Variants in GRID1 observed in about 807,000 individuals in gnomAD.
GRID1 encodes the protein glutamate receptor ionotropic, delta-1.
GRID1 carries 28 observed loss-of-function variants against 98.0 expected under a neutral mutation model. That is an observed-to-expected ratio of 0.29 (90% CI 0.21 to 0.39). The LOEUF is 0.39. Among genes scored for constraint, GRID1 ranks in the 10% least tolerant of loss-of-function variants. The pLI is 1.00. For synonymous variants in GRID1, 553 were observed against 538.5 expected (o/e 1.03, Z -0.37); for missense variants, 1,111 against 1,340.5 (o/e 0.83, Z 2.67).
intron 3 of GRID1, among the ~76,000 whole-genome samples, chr10:86,175,023 AAC>A (rs796625124): frequency 6.6e-6 from 1 of 152,282 alleles, no homozygotes; most frequent in African/African-American, 2.4e-5. Flanking sequence ...GAGAAATAGG[AAC>A]ACTTTTACAC....
At chr10:86,127,525 C>T (rs1722542714) in intron 4 of GRID1, among the ~76,000 whole-genome samples, 1 of 152,162 alleles carries the variant, frequency 6.6e-6, no homozygotes, top group Admixed American at 6.5e-5. Flanking sequence ...AAGTGCCTAG[C>T]CAGCATCTGG....
intron 3 of GRID1, among the ~76,000 whole-genome samples, chr10:86,180,764 G>T (rs566305476): frequency 6.6e-6 from 1 of 152,192 alleles, no homozygotes; most frequent in Admixed American, 6.5e-5. Context: ...ACCACCTGCG[G>T]CCAGGCCCGG....
intron 4 of GRID1, among the ~76,000 whole-genome samples, chr10:85,936,408 C>T (rs946932781): frequency 5.3e-5 from 8 of 152,070 alleles, no homozygotes; most frequent in African/African-American, 1.7e-4. Flanking sequence ...CCACATGAAT[C>T]GCATTTGCAT....
intron 4 of GRID1, among the ~76,000 whole-genome samples, chr10:86,024,441 T>C (rs1305556377): frequency 6.6e-6 from 1 of 152,160 alleles, no homozygotes; most frequent in Non-Finnish European, 1.5e-5. Flanking sequence ...ATCTATTTTT[T>C]CCCTAGGCAG....
chr10:85,662,701 T>C (rs1470267880), intron 12 of GRID1, among the ~76,000 whole-genome samples: 1 of 152,164 alleles, frequency 6.6e-6, no homozygotes, highest in African/African-American at 2.4e-5. Flanking sequence ...ATGGGTAATG[T>C]GGCCTACCAG....
At chr10:86,204,882 C>A (rs1330493604) in intron 3 of GRID1, among the ~76,000 whole-genome samples, 1 of 151,944 alleles carries the variant, frequency 6.6e-6, no homozygotes, top group Non-Finnish European at 1.5e-5. Context: ...GTTGAGCCAC[C>A]AGCCCCAAGG....
intron 8 of GRID1, among the ~76,000 whole-genome samples, chr10:85,735,868 GGA>G (rs1167602320): frequency 6.9e-6 from 1 of 145,446 alleles, no homozygotes; most frequent in African/African-American, 2.5e-5. Flanking sequence ...AAGGAAGGAA[GGA>G]GAGAAGGATG....
At chr10:86,186,674 C>G (rs929514596) in intron 3 of GRID1, among the ~76,000 whole-genome samples, 1 of 152,160 alleles carries the variant, frequency 6.6e-6, no homozygotes, top group Non-Finnish European at 1.5e-5. Context: ...AGAGGTGTTA[C>G]GAAAACTCCA....
At chr10:85,938,668 T>A (rs1449163611) in intron 4 of GRID1, among the ~76,000 whole-genome samples, 2 of 152,156 alleles carry the variant, frequency 1.3e-5, no homozygotes, top group African/African-American at 4.8e-5. Flanking sequence ...GGCTCTCCAG[T>A]TCTAATCAAC....
chr10:85,936,616 G>A (rs1471871756), intron 4 of GRID1, among the ~76,000 whole-genome samples: 1 of 152,146 alleles, frequency 6.6e-6, no homozygotes, highest in East Asian at 1.9e-4. Context: ...ATTCTATCCA[G>A]TTCTGTTTGT....
chr10:85,865,914 T>TATATATATATATATATATATAC (rs1843210960), intron 6 of GRID1, among the ~76,000 whole-genome samples: 4 of 37,964 alleles, frequency 1.1e-4, no homozygotes, highest in East Asian at 1.3e-3. Flanking sequence ...CATATATACA[T>TATATATATATATATATATATAC]ATATATATAT....
At chr10:86,119,088 C>A (rs1844629268) in intron 4 of GRID1, among the ~76,000 whole-genome samples, 1 of 152,190 alleles carries the variant, frequency 6.6e-6, no homozygotes, top group Non-Finnish European at 1.5e-5. Context: ...GTAATCCCAG[C>A]ACTTTCAGAG....
intron 8 of GRID1, among the ~76,000 whole-genome samples, chr10:85,794,428 T>C (rs1842507237): frequency 6.6e-6 from 1 of 152,214 alleles, no homozygotes; most frequent in African/African-American, 2.4e-5. Context: ...AAGTCAATAA[T>C]GAATTTTATA....
intron 4 of GRID1, among the ~76,000 whole-genome samples, chr10:85,920,760 C>A (rs113516084): frequency 2.6e-5 from 4 of 151,924 alleles, no homozygotes; most frequent in Non-Finnish European, 4.4e-5. Flanking sequence ...ATCCTGTGGG[C>A]GGGGAGGGAA....
intron 2 of GRID1, among the ~76,000 whole-genome samples, chr10:86,332,418 C>T (rs1460905665): frequency 6.6e-6 from 1 of 152,086 alleles, no homozygotes; most frequent in Non-Finnish European, 1.5e-5. Context: ...TCTGAAGGGC[C>T]ACTCAGCCTC....
chr10:86,234,012 C>T (rs1358644726), intron 2 of GRID1, among the ~76,000 whole-genome samples: 1 of 152,116 alleles, frequency 6.6e-6, no homozygotes, highest in East Asian at 1.9e-4. Context: ...TTGACTGTGG[C>T]TGCACTACCT....
intron 3 of GRID1, among the ~76,000 whole-genome samples, chr10:86,194,262 G>A (rs1845843672): frequency 6.6e-6 from 1 of 152,100 alleles, no homozygotes; most frequent in African/African-American, 2.4e-5. Flanking sequence ...ACAGCCCTGT[G>A]TGACGGCCAA....
chr10:85,941,620 T>C (rs943345385), intron 4 of GRID1, among the ~76,000 whole-genome samples: 3 of 152,232 alleles, frequency 2.0e-5, no homozygotes, highest in Non-Finnish European at 4.4e-5. Context: ...CCATGTTCAG[T>C]GTAGGAAATT....
rs151112327 is a variant in GRID1 at position 85,757,022 on chromosome 10, G to C, written c.1234-27408C>G. ...TTCTCATAGTCTGTCAGCTGCTTTT[G>C]TATAGCCCCTCCAAGGATCTACCTT... On this transcript the variant is annotated intron_variant, in intron 8 of 15. Transcript: ENST00000327946. 7.4e-4 allele frequency among the ~76,000 whole-genome samples: 113 copies of C among 152,272 alleles called. 1 individual carries two copies. Among genetic ancestry groups the C allele is most frequent in the African/African-American group, 2.6e-3 (106 of 41,550 alleles).
Sources: allele counts gnomAD v4.1 joint callset (sites outside exome capture counted in the v4.1 genomes callset), GRCh38; gene constraint gnomAD v4.1.1; transcripts MANE v1.5; gene names NCBI Gene and HGNC (gene_info 2026-07-23, HGNC 2026-07-21).